The following TTC28 variants were observed in gnomAD, a reference collection of about 807,000 sequenced individuals.
The protein encoded by TTC28 is tetratricopeptide repeat protein 28.
Under a neutral mutation model 198.0 loss-of-function variants are expected in TTC28, and 61 were observed. The ratio of observed to expected loss-of-function variants is 0.31; its 90% confidence interval spans 0.25 to 0.38. The LOEUF is 0.38. Ranked by LOEUF, TTC28 falls within the 10% of genes least tolerant of loss-of-function variation. The pLI, the probability that TTC28 is intolerant of heterozygous loss-of-function variation, is 1.00. For synonymous variants in TTC28, 1,171 were observed against 1,297.8 expected, an observed-to-expected ratio of 0.90 and a Z score of 2.10; for missense variants, 2,678 against 3,164.0, an observed-to-expected ratio of 0.85 and a Z score of 3.69.
chr22:28,124,577 A>G (rs1465962077), intron 6 of TTC28, among the ~76,000 whole-genome samples: 1 of 152,224 alleles, frequency 6.6e-6, no homozygotes, highest in African/African-American at 2.4e-5. Flanking sequence ...TAGGTCACAC[A>G]TCTAGAAAGG....
chr22:28,108,000 G>A lies in TTC28; in HGVS notation c.1845C>T (p.Pro615=), dbSNP rs1346727189. 4 of 1,551,598 alleles carry A rather than the reference G, an allele frequency of 2.6e-6. No homozygotes were observed. The Admixed American group carries it at 7.8e-5, about 30-fold the overall frequency. Residue 615 remains proline (P), a synonymous_variant, in exon 7 of 23, where the codon CCC becomes CCT. Coordinates refer to ENST00000397906, the MANE Select transcript of TTC28 (RefSeq NM_001145418.2). ...CAAGCCGGAGGTACTGTTCATAATAGGGGGCAGCCTGGACATACTCTCCCC... is the reference window on the plus strand; with the variant it reads ...CAAGCCGGAGGTACTGTTCATAATAAGGGGCAGCCTGGACATACTCTCCCC... ...CSRGEYVQAA[P]YYEQYLRLAP... is the part of the protein sequence containing the mutation.
chr22:28,254,705 G>C (rs1003832561), intron 5 of TTC28, among the ~76,000 whole-genome samples: 1 of 152,136 alleles, frequency 6.6e-6, no homozygotes, highest in Non-Finnish European at 1.5e-5. Flanking sequence ...CTAGGTGCTA[G>C]AAACAAAGAG....
intron 1 of TTC28, among the ~76,000 whole-genome samples, chr22:28,639,734 A>C (rs2051332770): frequency 6.6e-6 from 1 of 152,208 alleles, no homozygotes; most frequent in Non-Finnish European, 1.5e-5. Flanking sequence ...AGCCAGGTGA[A>C]ACTGTGAGTC....
At chr22:28,570,739 T>C (rs1386196723) in intron 2 of TTC28, among the ~76,000 whole-genome samples, 1 of 152,224 alleles carries the variant, frequency 6.6e-6, no homozygotes, top group Non-Finnish European at 1.5e-5. Context: ...ACATATTTTA[T>C]GTTATGTATA....
At chr22:28,225,882 T>C (rs538490152) in intron 5 of TTC28, among the ~76,000 whole-genome samples, 1 of 152,348 alleles carries the variant, frequency 6.6e-6, no homozygotes, top group Non-Finnish European at 1.5e-5. Flanking sequence ...AGTGAAATCA[T>C]TTTGTAGATA....
At chr22:28,367,329 CT>C (rs1373527762) in intron 2 of TTC28, among the ~76,000 whole-genome samples, 3 of 151,936 alleles carry the variant, frequency 2.0e-5, no homozygotes, top group Non-Finnish European at 2.9e-5. Context: ...CAAAATGCTC[CT>C]GAATGACCAA....
At chr22:28,332,766 A>AT (rs2045637478) in intron 2 of TTC28, among the ~76,000 whole-genome samples, 2 of 152,136 alleles carry the variant, frequency 1.3e-5, no homozygotes, top group South Asian at 2.1e-4. Context: ...CCTTTGCAAG[A>AT]TATCTTTTTT....
intron 2 of TTC28, among the ~76,000 whole-genome samples, chr22:28,382,849 A>G (rs2046516661): frequency 6.6e-6 from 1 of 152,180 alleles, no homozygotes; most frequent in African/African-American, 2.4e-5. Flanking sequence ...TGCACCTAAT[A>G]ACAGAACTTC....
chr22:28,109,508 C>T (rs1157832061), intron 6 of TTC28, among the ~76,000 whole-genome samples: 1 of 152,226 alleles, frequency 6.6e-6, no homozygotes, highest in Non-Finnish European at 1.5e-5. Flanking sequence ...TTCTGCTATA[C>T]TGCTTTTACA....
intron 2 of TTC28, among the ~76,000 whole-genome samples, chr22:28,529,123 C>T (rs561077815): frequency 4.6e-5 from 7 of 152,186 alleles, no homozygotes; most frequent in South Asian, 4.1e-4. Context: ...TCGCCTCACC[C>T]GGGAAGCGCA....
At chr22:28,280,287 C>T (rs2145732242) in intron 5 of TTC28, among the ~76,000 whole-genome samples, 1 of 151,796 alleles carries the variant, frequency 6.6e-6, no homozygotes, top group Non-Finnish European at 1.5e-5. Flanking sequence ...TTTAATTAGC[C>T]ATACGCATTT....
At chr22:28,079,294 C>T (rs1941261408) in intron 12 of TTC28, among the ~76,000 whole-genome samples, 1 of 152,200 alleles carries the variant, frequency 6.6e-6, no homozygotes, top group Admixed American at 6.5e-5. Context: ...GTGACCTGCA[C>T]TGTGCATGTA....
intron 1 of TTC28, among the ~76,000 whole-genome samples, chr22:28,677,316 T>TGTC (rs2052013539): frequency 6.6e-6 from 1 of 151,814 alleles, no homozygotes; most frequent in Non-Finnish European, 1.5e-5. Context: ...TATTTTAGCT[T>TGTC]TGACTCTGAA....
At chr22:28,336,299 T>C (rs2045717222) in intron 2 of TTC28, among the ~76,000 whole-genome samples, 1 of 152,208 alleles carries the variant, frequency 6.6e-6, no homozygotes, top group African/African-American at 2.4e-5. Context: ...TCTAAAATTC[T>C]CTTTTTTTGT....
chr22:28,345,006 C>T (rs1216516027), intron 2 of TTC28, among the ~76,000 whole-genome samples: 1 of 152,168 alleles, frequency 6.6e-6, no homozygotes, highest in Non-Finnish European at 1.5e-5. Flanking sequence ...CACGTCACAT[C>T]ACACACATTT....
At chr22:28,455,190 A>G (rs1240981922) in intron 2 of TTC28, among the ~76,000 whole-genome samples, 1 of 152,232 alleles carries the variant, frequency 6.6e-6, no homozygotes, top group Non-Finnish European at 1.5e-5. Context: ...CTGGGTATAG[A>G]ACACAGTGCA....
At position 28,324,825 on chromosome 22, in the gene TTC28, G is replaced by A. The variant is rs539501523; in HGVS notation, c.382-18182C>T. On this transcript the variant is annotated intron_variant, in intron 2 of 22. Transcript: ENST00000397906. ...ACTGGAAGCATTCCCTTTGAAAACTGGCACAAGACAGGGATGCCCTCTCTC... is the reference window on the plus strand; with the variant it reads ...ACTGGAAGCATTCCCTTTGAAAACTAGCACAAGACAGGGATGCCCTCTCTC... 3.9e-5 allele frequency among the ~76,000 whole-genome samples: 6 copies of A among 152,246 alleles called. No individual in the cohort carries two copies. The South Asian group carries it at 1.2e-3, about 32-fold the overall frequency.
chr22:28,636,649 C>G (rs1452015967), intron 1 of TTC28, among the ~76,000 whole-genome samples: 2 of 152,086 alleles, frequency 1.3e-5, no homozygotes, highest in African/African-American at 4.8e-5. Context: ...TTTTCACACC[C>G]CTCTTAGCAG....
chr22:28,026,267 C>G (rs927100428), intron 13 of TTC28, among the ~76,000 whole-genome samples: 1 of 152,148 alleles, frequency 6.6e-6, no homozygotes, highest in African/African-American at 2.4e-5. Context: ...CTCCCAGAAC[C>G]CCTCCACTCT....
Sources: allele counts gnomAD v4.1 joint callset (sites outside exome capture counted in the v4.1 genomes callset), GRCh38; gene constraint gnomAD v4.1.1; transcripts MANE v1.5; gene names NCBI Gene and HGNC (gene_info 2026-07-23, HGNC 2026-07-21).